The following VEPH1 variants were observed in gnomAD, a reference collection of about 807,000 sequenced individuals.
VEPH1 encodes ventricular zone-expressed PH domain-containing protein homolog 1.
A neutral mutation model predicts 85.2 loss-of-function variants in VEPH1; 80 were observed. The ratio of observed to expected loss-of-function variants is 0.94; its 90% CI spans 0.78 to 1.13. The LOEUF is 1.13. Among genes scored for constraint, VEPH1 ranks in the 50% most tolerant of loss-of-function variants. The probability of loss-of-function intolerance (pLI) is 0.00; values close to 1 mark genes in which losing one functional copy is unlikely to be tolerated. For missense variants in VEPH1, 955 were observed against 980.5 expected, an observed-to-expected ratio of 0.97 and a Z score of 0.35; for synonymous variants, 297 against 348.0, an observed-to-expected ratio of 0.85 and a Z score of 1.63.
chr3:157,287,823 C>T (rs182602213), intron 11 of VEPH1, among the ~76,000 whole-genome samples: 40 of 152,260 alleles, frequency 2.6e-4, no homozygotes, highest in Admixed American at 2.6e-3. Context: ...CCTTGGCCTC[C>T]CAAAAGGCTG....
At chr3:157,386,894 G>A (rs1290083448) in intron 6 of VEPH1, among the ~76,000 whole-genome samples, 2 of 152,184 alleles carry the variant, frequency 1.3e-5, no homozygotes, top group Non-Finnish European at 2.9e-5. Flanking sequence ...TAATGTCTTA[G>A]TATTATTGTA....
intron 6 of VEPH1, among the ~76,000 whole-genome samples, chr3:157,399,157 C>G (rs1248854552): frequency 1.3e-5 from 2 of 152,134 alleles, no homozygotes; most frequent in Non-Finnish European, 2.9e-5. Flanking sequence ...ATTTTAGAAG[C>G]TATATAGCCC....
chr3:157,473,047 T>C (rs1737112315), intron 2 of VEPH1, among the ~76,000 whole-genome samples: 1 of 151,632 alleles, frequency 6.6e-6, no homozygotes, highest in Non-Finnish European at 1.5e-5. Context: ...TTTTAATTAG[T>C]TTTTGCTGAT....
chr3:157,305,046 A>ATCTATCTATCTATCTATCTG (rs1483372393), intron 11 of VEPH1, among the ~76,000 whole-genome samples: 1 of 147,210 alleles, frequency 6.8e-6, no homozygotes, highest in Non-Finnish European at 1.5e-5. Flanking sequence ...ATATCTATCT[A>ATCTATCTATCTATCTATCTG]TCTATCTATC....
intron 9 of VEPH1, among the ~76,000 whole-genome samples, chr3:157,345,193 A>C (rs533896428): frequency 1.3e-5 from 2 of 152,348 alleles, no homozygotes; most frequent in South Asian, 4.1e-4. Flanking sequence ...TAAATAAACT[A>C]AAGAGTTTCT....
At chr3:157,416,227 CA>C (rs1185402935) in intron 5 of VEPH1, among the ~76,000 whole-genome samples, 4 of 152,100 alleles carry the variant, frequency 2.6e-5, no homozygotes, top group Non-Finnish European at 4.4e-5. Flanking sequence ...AAGAGTTGTA[CA>C]CAATGTTTAA....
At chr3:157,369,614 C>A (rs923724399) in intron 7 of VEPH1, among the ~76,000 whole-genome samples, 1 of 152,172 alleles carries the variant, frequency 6.6e-6, no homozygotes, top group Admixed American at 6.5e-5. Context: ...TGCCACAGAA[C>A]TTTGCTGGCA....
chr3:157,279,251 AGAG>A (rs1715774391), intron 12 of VEPH1, among the ~76,000 whole-genome samples: 1 of 152,210 alleles, frequency 6.6e-6, no homozygotes, highest in South Asian at 2.1e-4. Flanking sequence ...GAAGGAAGCT[AGAG>A]GAGTGTTGTG....
intron 9 of VEPH1, among the ~76,000 whole-genome samples, chr3:157,322,712 T>C (rs1158499853): frequency 6.6e-6 from 1 of 152,208 alleles, no homozygotes; most frequent in Admixed American, 6.5e-5. Flanking sequence ...AGGAGTTTTC[T>C]TCTGCCTACT....
At chr3:157,369,179 T>TAAAAAAAAAAAAAAAAAA (rs1560000948) in intron 7 of VEPH1, among the ~76,000 whole-genome samples, 2 of 15,054 alleles carry the variant, frequency 1.3e-4, no homozygotes, top group African/African-American at 2.6e-4. Flanking sequence ...AAAAACCAAA[T>TAAAAAAAAAAAAAAAAAA]GAAAAAAAAA....
chr3:157,314,257 C>T (rs191205630), intron 10 of VEPH1, among the ~76,000 whole-genome samples: 91 of 133,574 alleles, frequency 6.8e-4, no homozygotes, highest in Admixed American at 6.8e-3. Flanking sequence ...TGCTTGAAGC[C>T]GGGAGGCAGA....
chr3:157,496,787 A>G (rs1318169912), intron 1 of VEPH1, among the ~76,000 whole-genome samples: 1 of 152,178 alleles, frequency 6.6e-6, no homozygotes, highest in African/African-American at 2.4e-5. Flanking sequence ...TTCATTACAC[A>G]CTCAACTAAA....
chr3:157,305,035 TA>T (rs1243299306), intron 11 of VEPH1, among the ~76,000 whole-genome samples: 1 of 125,852 alleles, frequency 7.9e-6, no homozygotes, highest in African/African-American at 3.5e-5. Context: ...TGTGTATTGT[TA>T]TATCTATCTA....
intron 3 of VEPH1, among the ~76,000 whole-genome samples, chr3:157,465,678 C>T (rs1369479778): frequency 6.6e-6 from 1 of 152,182 alleles, no homozygotes. Context: ...CTAGCAAGGG[C>T]AGAGTTTAAA....
intron 9 of VEPH1, among the ~76,000 whole-genome samples, chr3:157,325,019 A>G (rs996542178): frequency 1.3e-5 from 2 of 152,132 alleles, no homozygotes; most frequent in South Asian, 2.1e-4. Context: ...TGACTTTCTA[A>G]TAATAGCCAT....
intron 9 of VEPH1, among the ~76,000 whole-genome samples, chr3:157,342,318 G>C (rs1723666586): frequency 1.3e-5 from 2 of 152,206 alleles, no homozygotes; most frequent in African/African-American, 4.8e-5. Context: ...TCAAAATAAA[G>C]GGATGGAGGA....
chr3:157,349,481 G>C (rs1459007602), intron 9 of VEPH1, among the ~76,000 whole-genome samples: 1 of 152,180 alleles, frequency 6.6e-6, no homozygotes, highest in Non-Finnish European at 1.5e-5. Context: ...ACAGGATTAG[G>C]ATGCCTACTC....
chr3:157,502,718 A>G (rs961066737), intron 1 of VEPH1, among the ~76,000 whole-genome samples: 3 of 152,178 alleles, frequency 2.0e-5, no homozygotes, highest in Non-Finnish European at 4.4e-5. Context: ...TACTACAACA[A>G]TTTAAGTGTG....
At chr3:157,285,410 A>C (rs1426325399) in intron 12 of VEPH1, 2 of 152,186 alleles carry the variant, frequency 1.3e-5, no homozygotes, top group African/African-American at 4.8e-5. Context: ...TGGCCAAATA[A>C]ACATACTTTT....
Sources: gnomAD v4.1 joint callset for allele counts (sites outside exome capture counted in the v4.1 genomes callset) on GRCh38, gnomAD v4.1.1 for gene constraint, MANE v1.5 for transcripts, NCBI Gene and HGNC (gene_info 2026-07-23, HGNC 2026-07-21) for gene names.